Variants in NLGN1 observed in about 807,000 individuals in gnomAD.
NLGN1 encodes the protein neuroligin-1.
NLGN1 carries 12 observed loss-of-function variants against 65.5 expected under a neutral mutation model. The ratio of observed to expected loss-of-function variants is 0.18; its 90% CI spans 0.12 to 0.30. The LOEUF is 0.30. Ranked by LOEUF, NLGN1 falls within the 10% of genes least tolerant of loss-of-function variation. NLGN1 has a pLI of 1.00. For missense variants in NLGN1, 750 were observed against 1,007.1 expected (o/e 0.74, Z 3.46); for synonymous variants, 350 against 359.5 (o/e 0.97, Z 0.30).
At chr3:174,053,516 A>G (rs62292107) in intron 4 of NLGN1, among the ~76,000 whole-genome samples, 1 of 152,000 alleles carries the variant, frequency 6.6e-6, no homozygotes, top group Non-Finnish European at 1.5e-5. Context: ...TGAAACTGTT[A>G]CAAATAAACA....
At chr3:173,887,528 T>C (rs1395328965) in intron 4 of NLGN1, among the ~76,000 whole-genome samples, 1 of 151,930 alleles carries the variant, frequency 6.6e-6, no homozygotes, top group Non-Finnish European at 1.5e-5. Flanking sequence ...ACTCTTCACC[T>C]CACTAAAATT....
intron 3 of NLGN1, among the ~76,000 whole-genome samples, chr3:173,761,558 ATTAT>A (rs1371373240): frequency 1.3e-5 from 2 of 151,998 alleles, no homozygotes; most frequent in Non-Finnish European, 2.9e-5. Context: ...TTTAAATATG[ATTAT>A]TTAGTTCATT....
At position 174,063,533 on chromosome 3, in the gene NLGN1, C is replaced by T. The variant is rs1442591814; in HGVS notation, c.647-211782C>T. 2.0e-5 allele frequency among the ~76,000 whole-genome samples: 3 copies of T among 151,770 alleles called. No homozygotes were observed. The East Asian group carries it at 5.8e-4, about 29-fold the overall frequency. Reference sequence around the variant, plus strand: ...ATAATAACAAAATATTGTGAGTTTTCCCATATATAGATGTAAAATATGACA... The same window carrying T: ...ATAATAACAAAATATTGTGAGTTTTTCCATATATAGATGTAAAATATGACA... On this transcript the variant is annotated intron_variant, in intron 4 of 6. Transcript: ENST00000457714.
chr3:174,066,558 C>CTG (rs1327610699), intron 4 of NLGN1, among the ~76,000 whole-genome samples: 4 of 134,246 alleles, frequency 3.0e-5, no homozygotes, highest in African/African-American at 1.2e-4. Context: ...CTCTCTCTCT[C>CTG]TCTCTCTGTG....
At chr3:173,423,281 A>C (rs1715462654) in intron 1 of NLGN1, among the ~76,000 whole-genome samples, 1 of 152,200 alleles carries the variant, frequency 6.6e-6, no homozygotes, top group Non-Finnish European at 1.5e-5. Context: ...GCCAAACCAT[A>C]TCATTCTGCC....
chr3:173,503,838 T>C (rs1006881336), intron 2 of NLGN1, among the ~76,000 whole-genome samples: 11 of 152,088 alleles, frequency 7.2e-5, no homozygotes, highest in African/African-American at 1.9e-4. Context: ...TTACATTATA[T>C]AAATTTCTTT....
chr3:173,486,812 A>T (rs1411988137), intron 2 of NLGN1, among the ~76,000 whole-genome samples: 1 of 152,162 alleles, frequency 6.6e-6, no homozygotes. Flanking sequence ...TGTATGTTTC[A>T]CTAATTTCTG....
chr3:173,439,838 T>C (rs1336786039), intron 2 of NLGN1, among the ~76,000 whole-genome samples: 3 of 152,192 alleles, frequency 2.0e-5, no homozygotes, highest in African/African-American at 7.2e-5. Context: ...TGTTTATGGC[T>C]ACTGACTGAT....
At chr3:173,708,913 C>G (rs538580413) in intron 3 of NLGN1, among the ~76,000 whole-genome samples, 3 of 152,040 alleles carry the variant, frequency 2.0e-5, no homozygotes, top group African/African-American at 7.2e-5. Context: ...ATGCGTTATT[C>G]GGTATATTAA....
At chr3:174,072,994 C>T (rs77688749) in intron 4 of NLGN1, among the ~76,000 whole-genome samples, 2 of 152,020 alleles carry the variant, frequency 1.3e-5, no homozygotes. Context: ...GTAAAACATG[C>T]CCTCTTGAGT....
At chr3:174,037,929 A>C (rs2152484546) in intron 4 of NLGN1, among the ~76,000 whole-genome samples, 1 of 150,494 alleles carries the variant, frequency 6.6e-6, no homozygotes, top group South Asian at 2.1e-4. Flanking sequence ...AACAGGTTGC[A>C]GGAGAAAGTG....
chr3:173,926,186 A>G (rs761877764), intron 4 of NLGN1, among the ~76,000 whole-genome samples: 9 of 151,838 alleles, frequency 5.9e-5, no homozygotes, highest in Non-Finnish European at 1.0e-4. Flanking sequence ...CATGTTATCT[A>G]AGGACAAAGA....
At chr3:173,970,318 G>T (rs560480527) in intron 4 of NLGN1, among the ~76,000 whole-genome samples, 2 of 152,116 alleles carry the variant, frequency 1.3e-5, no homozygotes, top group Admixed American at 6.6e-5. Context: ...TACAGGGTGC[G>T]TTGTGAAAAC....
intron 4 of NLGN1, among the ~76,000 whole-genome samples, chr3:174,138,636 G>A (rs1025037736): frequency 2.2e-4 from 33 of 151,568 alleles, no homozygotes; most frequent in South Asian, 8.3e-4. Flanking sequence ...GGGTTTCACC[G>A]TGTTAGCCAG....
intron 4 of NLGN1, among the ~76,000 whole-genome samples, chr3:174,149,455 GA>G (rs1245041910): frequency 6.6e-6 from 1 of 152,052 alleles, no homozygotes; most frequent in Non-Finnish European, 1.5e-5. Context: ...GCTTCACAAA[GA>G]AAAGTGACTT....
rs769294448 is a variant in NLGN1, at chr3:174,279,663, G to A, written c.1649+13G>A. 4 of 1,457,546 alleles carry A rather than the reference G, an allele frequency of 2.7e-6. No individual in the cohort carries two copies. The Admixed American group carries it at 8.6e-5, about 31-fold the overall frequency. 90.3% of individuals were successfully genotyped at this position (1,457,546 alleles called of 1,614,324 possible). On this transcript the variant is annotated intron_variant, in intron 6 of 6. Transcript: ENST00000457714. This position sits in a 1 kb window ranked among gnomAD's most constrained non-coding sequence, Gnocchi z 4.7. ...TTGCTAAAACTGGGTATGTACCTAA[G>A]GAATGAAGTTTATTTTTAATAAAAA...
At chr3:174,264,729 G>A (rs370745762) in intron 4 of NLGN1, among the ~76,000 whole-genome samples, 5 of 152,050 alleles carry the variant, frequency 3.3e-5, no homozygotes, top group African/African-American at 9.7e-5. Context: ...CTGGTGAGGA[G>A]CTGCGTTCCT....
At chr3:173,787,372 A>G (rs1445982930) in intron 3 of NLGN1, among the ~76,000 whole-genome samples, 1 of 152,156 alleles carries the variant, frequency 6.6e-6, no homozygotes, top group Non-Finnish European at 1.5e-5. Flanking sequence ...ACAAAATCAA[A>G]TGTGATTTCC....
At chr3:174,217,874 A>G (rs528070293) in intron 4 of NLGN1, among the ~76,000 whole-genome samples, 1 of 152,180 alleles carries the variant, frequency 6.6e-6, no homozygotes, top group East Asian at 1.9e-4. Flanking sequence ...GGGAAGCACC[A>G]AAAGAATACC....
Sources: gnomAD v4.1 joint callset for allele counts (sites outside exome capture counted in the v4.1 genomes callset) on GRCh38, gnomAD v4.1.1 for gene constraint, Gnocchi (gnomAD v3.1) non-coding constraint, MANE v1.5 for transcripts, NCBI Gene and HGNC (gene_info 2026-07-23, HGNC 2026-07-21) for gene names.